Variants in SHQ1 observed in about 807,000 individuals in gnomAD.
SHQ1 encodes the protein protein SHQ1 homolog.
In SHQ1, 49 loss-of-function variants were observed where a neutral mutation model predicts 53.8. The ratio of observed to expected loss-of-function variants is 0.91; its 90% CI spans 0.72 to 1.16. The LOEUF (loss-of-function observed/expected upper bound fraction) is 1.16. Ranked by LOEUF, SHQ1 falls within the 50% of genes most tolerant of loss-of-function variation. The pLI is 0.00. For missense variants in SHQ1, 738 were observed against 683.1 expected, an observed-to-expected ratio of 1.08 and a Z score of -0.90; for synonymous variants, 243 against 251.0, an observed-to-expected ratio of 0.97 and a Z score of 0.30.
intron 6 of SHQ1, among the ~76,000 whole-genome samples, 198 bp downstream of exon 6, chr3:72,824,226 C>A (rs1707573656): frequency 6.6e-6 from 1 of 152,076 alleles, no homozygotes; most frequent in South Asian, 2.1e-4. Flanking sequence ...AAGAATTTTC[C>A]AACACAAATA....
chr3:72,806,929 T>A (rs1470669502), intron 9 of SHQ1, among the ~76,000 whole-genome samples: 1 of 152,196 alleles, frequency 6.6e-6, no homozygotes, highest in Non-Finnish European at 1.5e-5. Flanking sequence ...CCCTAGGTAG[T>A]GAACACGCTC....
At chr3:72,739,088 C>T in the SHQ1 span, among the ~76,000 whole-genome samples, 6 of 152,226 alleles carry the variant, frequency 3.9e-5, no homozygotes, top group Non-Finnish European at 8.8e-5. Context: ...AGCGTGGGAG[C>T]AGGGGCAACG....
chr3:72,830,366 T>C (rs1207796359), intron 5 of SHQ1, among the ~76,000 whole-genome samples: 1 of 151,992 alleles, frequency 6.6e-6, no homozygotes, highest in Non-Finnish European at 1.5e-5. Flanking sequence ...AATATTATGC[T>C]AATCTTATAT....
At chr3:72,767,299 A>G (rs917288972) in intron 10 of SHQ1, among the ~76,000 whole-genome samples, 5 of 152,236 alleles carry the variant, frequency 3.3e-5, no homozygotes, top group Non-Finnish European at 7.3e-5. Context: ...AGAGCTCCTC[A>G]TGTGCAGACC....
At chr3:72,818,047 T>C (rs980925550) in intron 6 of SHQ1, among the ~76,000 whole-genome samples, 1 of 151,858 alleles carries the variant, frequency 6.6e-6, no homozygotes, top group African/African-American at 2.4e-5. Flanking sequence ...ACACTGAAAA[T>C]CTAGTATATA....
At chr3:72,765,838 C>G (rs961437143) in intron 10 of SHQ1, among the ~76,000 whole-genome samples, 3 of 152,188 alleles carry the variant, frequency 2.0e-5, no homozygotes, top group African/African-American at 7.2e-5. Flanking sequence ...CAGGCATGAG[C>G]CACTGTGCCT....
At chr3:72,797,309 C>A (rs1706655898) in intron 9 of SHQ1, among the ~76,000 whole-genome samples, 1 of 151,998 alleles carries the variant, frequency 6.6e-6, no homozygotes, top group South Asian at 2.1e-4. Context: ...GACATATATA[C>A]CCAAATGATA....
chr3:72,757,568 G>A (rs1439574305), intron 10 of SHQ1, among the ~76,000 whole-genome samples: 2 of 152,012 alleles, frequency 1.3e-5, no homozygotes, highest in Non-Finnish European at 1.5e-5. Flanking sequence ...ACTTTCTGAA[G>A]GGCATTTACT....
chr3:72,843,695 T>C (rs1346604514), intron 2 of SHQ1, among the ~76,000 whole-genome samples: 1 of 152,230 alleles, frequency 6.6e-6, no homozygotes, highest in African/African-American at 2.4e-5. Flanking sequence ...CTATACTTCA[T>C]TACACATTAA....
chr3:72,844,004 T>C (rs1708254960), intron 2 of SHQ1, among the ~76,000 whole-genome samples: 2 of 152,356 alleles, frequency 1.3e-5, no homozygotes, highest in South Asian at 4.1e-4. Context: ...TTGAAAATTA[T>C]ACCAGAAAGA....
At chr3:72,764,681 A>G (rs760955617) in intron 10 of SHQ1, among the ~76,000 whole-genome samples, 2 of 152,198 alleles carry the variant, frequency 1.3e-5, no homozygotes, top group Admixed American at 6.5e-5. Flanking sequence ...TCATCTTGGA[A>G]CTTCTTAGAA....
At chr3:72,792,365 A>AT (rs935355802) in intron 10 of SHQ1, among the ~76,000 whole-genome samples, 1 of 152,102 alleles carries the variant, frequency 6.6e-6, no homozygotes, top group Non-Finnish European at 1.5e-5. Context: ...ACCAATACCA[A>AT]TTTTTTCTAA....
chr3:72,750,695 T>C lies in SHQ1; in HGVS notation c.1323A>G (p.Ser441=), dbSNP rs1412746252. The part of the protein sequence containing the change: ...EEETALKAAH[S]VSGQQTLCSS... ...AGCAAAGTGTCTGCTGCCCAGAAACTGAATGGGCTGCTTTTAATGCAGTTT... is the reference window on the plus strand; with the variant it reads ...AGCAAAGTGTCTGCTGCCCAGAAACCGAATGGGCTGCTTTTAATGCAGTTT... The change falls in exon 11 of 11, where the codon TCA becomes TCG. Residue 441 remains serine, a synonymous_variant. Coordinates refer to ENST00000325599, the MANE Select transcript of SHQ1 (RefSeq NM_018130.3). The C allele has an allele frequency of 1.9e-6, 3 of 1,594,508 alleles. No individual in the cohort carries two copies. Among genetic ancestry groups the C allele is most frequent in the African/African-American group, 2.7e-5 (2 of 74,184 alleles).
chr3:72,784,369 C>T (rs781155368), intron 10 of SHQ1, among the ~76,000 whole-genome samples: 3 of 152,154 alleles, frequency 2.0e-5, no homozygotes, highest in Non-Finnish European at 4.4e-5. Flanking sequence ...TGAAGAGCAA[C>T]AGTCCCCAGT....
At chr3:72,791,462 AT>A (rs1191046950) in intron 10 of SHQ1, among the ~76,000 whole-genome samples, 1 of 152,204 alleles carries the variant, frequency 6.6e-6, no homozygotes, top group East Asian at 1.9e-4. Context: ...TACAACAGGT[AT>A]AGCCTCAAGT....
At chr3:72,782,960 C>A (rs1488590379) in intron 10 of SHQ1, among the ~76,000 whole-genome samples, 1 of 152,216 alleles carries the variant, frequency 6.6e-6, no homozygotes, top group East Asian at 1.9e-4. Context: ...AATCACCACC[C>A]TAACTCACTT....
intron 1 of SHQ1, among the ~76,000 whole-genome samples, chr3:72,847,421 G>C (rs1194455016): frequency 1.3e-5 from 2 of 150,768 alleles, no homozygotes; most frequent in African/African-American, 4.9e-5. Flanking sequence ...TGTGGAATGG[G>C]GTTAATAGCA....
chr3:72,842,387 C>A lies in SHQ1; in HGVS notation c.224G>T (p.Arg75Leu). ...CTGGCCAGGGGTTTCTTTGGGCAGG[C>A]GAATGGTAAAAATTCCTTAAAGATA... Reference protein sequence around the residue: ...YDADKGIFTIRLPKETPGQHF... With the variant: ...YDADKGIFTILLPKETPGQHF... The change falls in exon 3 of 11, where the codon CGC becomes CTC. Residue 75 changes from arginine (R) to leucine (L), a missense_variant. Coordinates refer to ENST00000325599, the MANE Select transcript of SHQ1 (RefSeq NM_018130.3). 6.2e-7 allele frequency: 1 copy of A among 1,612,914 alleles called. No individual in the cohort carries two copies. The highest frequency in any genetic ancestry group is 8.5e-7 in the Non-Finnish European group (1 of 1,179,306).
At chr3:72,835,753 C>T (rs1354516720) in intron 4 of SHQ1, among the ~76,000 whole-genome samples, 3 of 152,164 alleles carry the variant, frequency 2.0e-5, no homozygotes, top group African/African-American at 7.2e-5. Flanking sequence ...TAGATAACGT[C>T]AATCAATTCC....
Sources: gnomAD v4.1 joint callset for allele counts (sites outside exome capture counted in the v4.1 genomes callset) on GRCh38, gnomAD v4.1.1 for gene constraint, MANE v1.5 for transcripts, NCBI Gene and HGNC (gene_info 2026-07-23, HGNC 2026-07-21) for gene names.